ROBO1: variants seen among roughly 807,000 people sequenced by gnomAD.
The protein encoded by ROBO1 is roundabout guidance receptor 1, also known as roundabout homolog 1.
ROBO1 carries 149 observed loss-of-function variants against 195.9 expected under a neutral mutation model. That is an observed-to-expected ratio of 0.76 (90% CI 0.67 to 0.87). ROBO1 has a LOEUF of 0.87. ROBO1 is among the 40% of genes least tolerant of loss of function. ROBO1 has a pLI of 0.00. For synonymous variants in ROBO1, 816 were observed against 733.2 expected, an observed-to-expected ratio of 1.11 and a Z score of -1.82; for missense variants, 1,933 against 2,068.3, an observed-to-expected ratio of 0.93 and a Z score of 1.27.
chr3:78,922,626 CAG>C (rs1378581677), intron 4 of ROBO1, among the ~76,000 whole-genome samples: 9 of 102,988 alleles, frequency 8.7e-5, no homozygotes, highest in African/African-American at 3.7e-4. Context: ...TTTTTTTTGA[CAG>C]AGTCTCATTC....
chr3:79,149,576 TG>T (rs2080724311), intron 2 of ROBO1, among the ~76,000 whole-genome samples: 1 of 151,512 alleles, frequency 6.6e-6, no homozygotes, highest in African/African-American at 2.4e-5. Flanking sequence ...TTGTTGAAAA[TG>T]GATATAATGT....
chr3:79,066,612 C>T (rs2079006792), intron 3 of ROBO1, among the ~76,000 whole-genome samples: 1 of 151,700 alleles, frequency 6.6e-6, no homozygotes. Flanking sequence ...TTAGGGAAAA[C>T]GATTCTATAG....
At chr3:79,186,273 C>T (rs190610448) in intron 2 of ROBO1, among the ~76,000 whole-genome samples, 206 of 144,022 alleles carry the variant, frequency 1.4e-3, no homozygotes, top group African/African-American at 4.2e-3. Flanking sequence ...TCAATGAATC[C>T]GGTTCTTCCT....
intron 3 of ROBO1, among the ~76,000 whole-genome samples, chr3:79,027,853 A>G (rs533977567): frequency 6.6e-6 from 1 of 152,124 alleles, no homozygotes; most frequent in African/African-American, 2.4e-5. Flanking sequence ...TGTTGTATAT[A>G]TCTTATTTCA....
chr3:78,850,917 C>T (rs1324699779), intron 4 of ROBO1, among the ~76,000 whole-genome samples: 2 of 152,032 alleles, frequency 1.3e-5, no homozygotes, highest in Admixed American at 6.6e-5. Context: ...AGCGATTCTC[C>T]TGCCTCAGCC....
chr3:78,986,397 C>CT (rs913159348), intron 3 of ROBO1, among the ~76,000 whole-genome samples: 15 of 144,940 alleles, frequency 1.0e-4, no homozygotes, highest in Admixed American at 5.5e-4. Context: ...TTTTTTTTTT[C>CT]TTTTTTTTTC....
intron 5 of ROBO1, among the ~76,000 whole-genome samples, chr3:78,723,293 G>A (rs1386911194): frequency 6.6e-6 from 1 of 152,138 alleles, no homozygotes; most frequent in Non-Finnish European, 1.5e-5. Flanking sequence ...TGCGGCCTAG[G>A]AGGAACTGGC....
chr3:78,805,654 A>C (rs1559874704), intron 4 of ROBO1, among the ~76,000 whole-genome samples: 1 of 152,030 alleles, frequency 6.6e-6, no homozygotes, highest in Non-Finnish European at 1.5e-5. Flanking sequence ...ATATCAGCTG[A>C]TAATGAGGAA....
At chr3:79,516,241 CAT>C (rs1474182519) in intron 2 of ROBO1, among the ~76,000 whole-genome samples, 1 of 152,054 alleles carries the variant, frequency 6.6e-6, no homozygotes, top group Admixed American at 6.6e-5. Flanking sequence ...ATAAAGATAA[CAT>C]AAGTTCTACT....
chr3:78,874,738 T>C (rs1274412125), intron 4 of ROBO1, among the ~76,000 whole-genome samples: 1 of 151,922 alleles, frequency 6.6e-6, no homozygotes, highest in Non-Finnish European at 1.5e-5. Flanking sequence ...TCAACCATTA[T>C]AAGTAATTCT....
chr3:79,667,816 A>T (rs578006894), intron 1 of ROBO1, among the ~76,000 whole-genome samples: 51 of 151,876 alleles, frequency 3.4e-4, no homozygotes, highest in African/African-American at 1.1e-3. Flanking sequence ...TTTCAAGTAA[A>T]ACTTTCCAAT....
At position 79,244,954 on chromosome 3, in the gene ROBO1, C is replaced by T. The variant is rs114800444; in HGVS notation, c.89-119415G>A. ...CTCTAACAGCCTGGTTACAACAAGACGTAAGTGGCATGAAAGAATATAAGG... is the reference window on the plus strand; with the variant it reads ...CTCTAACAGCCTGGTTACAACAAGATGTAAGTGGCATGAAAGAATATAAGG... On this transcript the variant is annotated intron_variant, in intron 2 of 30. Transcript: ENST00000464233. Among the ~76,000 whole-genome samples the T allele has an allele frequency of 4.6e-3, 700 of 152,010 alleles. 5 individuals are homozygous for T. Among genetic ancestry groups the T allele is most frequent in the African/African-American group, 0.016 (667 of 41,492 alleles).
At chr3:79,609,071 C>A (rs987431106) in intron 1 of ROBO1, among the ~76,000 whole-genome samples, 21 of 151,870 alleles carry the variant, frequency 1.4e-4, no homozygotes, top group African/African-American at 5.1e-4. Context: ...TAGGTCCTTA[C>A]AAAATGCTGG....
intron 2 of ROBO1, among the ~76,000 whole-genome samples, chr3:79,498,098 T>C (rs2107484878): frequency 6.6e-6 from 1 of 152,332 alleles, no homozygotes; most frequent in East Asian, 1.9e-4. Flanking sequence ...TGAAAAACGA[T>C]AATTTGAAAA....
intron 1 of ROBO1, among the ~76,000 whole-genome samples, chr3:79,673,679 T>C (rs1946697670): frequency 6.7e-6 from 1 of 148,532 alleles, no homozygotes; most frequent in African/African-American, 2.6e-5. Flanking sequence ...ATAGCAAGAA[T>C]AACTTTAAGA....
At chr3:78,749,660 A>G (rs762591422) in intron 4 of ROBO1, among the ~76,000 whole-genome samples, 3 of 152,188 alleles carry the variant, frequency 2.0e-5, no homozygotes, top group Non-Finnish European at 2.9e-5. Context: ...TGAAACTTTT[A>G]GTTAAACTGT....
chr3:78,822,093 TACAC>T (rs113114251), intron 4 of ROBO1, among the ~76,000 whole-genome samples: 30 of 146,850 alleles, frequency 2.0e-4, no homozygotes, highest in Non-Finnish European at 3.2e-4. Flanking sequence ...CACATATACA[TACAC>T]ACACACACAC....
intron 22 of ROBO1, among the ~76,000 whole-genome samples, chr3:78,639,095 G>C (rs1228902723): frequency 1.3e-5 from 2 of 151,338 alleles, no homozygotes; most frequent in Admixed American, 6.6e-5. Flanking sequence ...GCAGTGAGCT[G>C]AGATTGCGCC....
chr3:78,698,719 G>A (rs2081354842), intron 8 of ROBO1, among the ~76,000 whole-genome samples: 1 of 152,186 alleles, frequency 6.6e-6, no homozygotes, highest in Non-Finnish European at 1.5e-5. Flanking sequence ...AAGCCCAGCT[G>A]TAGATGAGCT....
Sources: allele counts gnomAD v4.1 joint callset (sites outside exome capture counted in the v4.1 genomes callset), GRCh38; gene constraint gnomAD v4.1.1; transcripts MANE v1.5; gene names NCBI Gene and HGNC (gene_info 2026-07-23, HGNC 2026-07-21).